Variants in STEAP3 observed in about 807,000 individuals in gnomAD.
The protein encoded by STEAP3 is STEAP3 metalloreductase.
Under a neutral mutation model 34.9 loss-of-function variants are expected in STEAP3, and 35 were observed. The ratio of observed to expected loss-of-function variants is 1.00; its 90% CI spans 0.76 to 1.33. The LOEUF is 1.33. Ranked by LOEUF, STEAP3 falls within the 40% of genes most tolerant of loss-of-function variation. The pLI, the probability that STEAP3 is intolerant of heterozygous loss-of-function variation, is 0.00. For synonymous variants in STEAP3, 281 were observed against 301.6 expected, an observed-to-expected ratio of 0.93 and a Z score of 0.71; for missense variants, 652 against 667.6, an observed-to-expected ratio of 0.98 and a Z score of 0.26.
chr2:119,263,410 T>G lies in STEAP3; in HGVS notation c.*72T>G, dbSNP rs1256644298. 5.8e-6 allele frequency: 9 copies of G among 1,551,482 alleles called. No homozygotes were observed. Among genetic ancestry groups the G allele is most frequent in the Non-Finnish European group, 7.8e-6 (9 of 1,150,352 alleles). The stretch of plus-strand genomic sequence containing the variant: ...CCTGAGCCCGTTAGGTTTTCTTTTC[T>G]TGGTGGTGCAAAGTGGTATAACTGT... On this transcript the variant is annotated 3_prime_UTR_variant, in exon 6 of 6. Coordinates refer to ENST00000393110, the MANE Select transcript of STEAP3 (RefSeq NM_182915.3).
rs1019582673 is a variant in STEAP3 at position 119,245,151 on chromosome 2, G to C, written c.23-338G>C. The C allele has an allele frequency of 1.0e-5, 3 of 296,254 alleles. No individual in the cohort carries two copies. The East Asian group carries it at 1.8e-4, about 18-fold the overall frequency. The allele number at this position is 296,254 out of a possible 1,614,324, so 18.4% of individuals were successfully genotyped here. ...GTCCATTGCCTAATCCTTTTGAAAAGAAGTATGGCACTGCATCACATTGGT... is the reference window on the plus strand; with the variant it reads ...GTCCATTGCCTAATCCTTTTGAAAACAAGTATGGCACTGCATCACATTGGT... On this transcript the variant is annotated intron_variant, in intron 2 of 5. Coordinates refer to ENST00000393110, the MANE Select transcript of STEAP3 (RefSeq NM_182915.3).
intron 5 of STEAP3, 70 bp from the exon 6 acceptor site, chr2:119,262,987 T>G: frequency 6.4e-7 from 1 of 1,569,574 alleles, no homozygotes. Flanking sequence ...GGCCAGCAGA[T>G]GAGTCGTTGG....
At chr2:119,238,305 T>A (rs892414040) in intron 2 of STEAP3, among the ~76,000 whole-genome samples, 1 of 152,254 alleles carries the variant, frequency 6.6e-6, no homozygotes, top group Non-Finnish European at 1.5e-5. Flanking sequence ...ATCCTCCCTG[T>A]CTTTTAAAAA....
At chr2:119,231,171 C>T (rs560287071) in intron 2 of STEAP3, 137 bp downstream of exon 2, 47 of 1,130,816 alleles carry the variant, frequency 4.2e-5, no homozygotes, top group Admixed American at 2.0e-5. Flanking sequence ...AACTCGACAC[C>T]TCCCAGAGAT....
intron 4 of STEAP3, among the ~76,000 whole-genome samples, chr2:119,252,393 C>T (rs1573571413): frequency 6.6e-6 from 1 of 152,234 alleles, no homozygotes; most frequent in East Asian, 1.9e-4. Flanking sequence ...ACCCCCTCCT[C>T]CTCTGAGTCT....
intron 5 of STEAP3, among the ~76,000 whole-genome samples, chr2:119,258,226 A>T (rs754162761): frequency 1.2e-4 from 18 of 152,112 alleles, no homozygotes; most frequent in Non-Finnish European, 2.2e-4. Flanking sequence ...CATTATAATT[A>T]GTGTATAATG....
Position 119,245,598 on chromosome 2 carries a change from G to A in STEAP3, c.132G>A (p.Leu44=). 3 of 1,608,756 alleles carry A rather than the reference G, an allele frequency of 1.9e-6. No individual in the cohort carries two copies. The highest frequency in any genetic ancestry group is 2.6e-6 in the Non-Finnish European group (3 of 1,175,586). Residue 44 remains leucine, a synonymous_variant, in exon 3 of 6, where the codon CTG becomes CTA. Transcript: ENST00000393110. ...VPDEAPKVGI[L]GSGDFARSLA... is the part of the protein sequence containing the mutation. ...ATGAGGCCCCCAAAGTGGGCATCCTGGGTAGCGGGGACTTTGCCCGCTCCC... is the reference window on the plus strand; with the variant it reads ...ATGAGGCCCCCAAAGTGGGCATCCTAGGTAGCGGGGACTTTGCCCGCTCCC...
At chr2:119,240,637 G>A (rs1418309367) in intron 2 of STEAP3, among the ~76,000 whole-genome samples, 2 of 152,238 alleles carry the variant, frequency 1.3e-5, no homozygotes, top group Non-Finnish European at 2.9e-5. Flanking sequence ...CTGTAGCCCT[G>A]CCGGGAAGAA....
chr2:119,258,043 A>G (rs565241648), intron 5 of STEAP3, among the ~76,000 whole-genome samples: 1 of 152,292 alleles, frequency 6.6e-6, no homozygotes, highest in South Asian at 2.1e-4. Context: ...TTACTTCTTG[A>G]TTATATGCTG....
At chr2:119,257,827 C>A (rs901492267) in intron 5 of STEAP3, 2 of 974,528 alleles carry the variant, frequency 2.1e-6, no homozygotes, top group African/African-American at 1.7e-5. Flanking sequence ...CCTTGGCTGA[C>A]CCCTAGATCT....
At chr2:119,260,500 C>G (rs1309703495) in intron 5 of STEAP3, among the ~76,000 whole-genome samples, 1 of 151,978 alleles carries the variant, frequency 6.6e-6, no homozygotes, top group Admixed American at 6.6e-5. Flanking sequence ...TTATCCATGT[C>G]GGTCAGGCTG....
intron 5 of STEAP3, among the ~76,000 whole-genome samples, chr2:119,259,296 G>A (rs1677874203): frequency 6.6e-6 from 1 of 152,144 alleles, no homozygotes; most frequent in African/African-American, 2.4e-5. Context: ...CTCTAGCTTG[G>A]GGATCTTATT....
At chr2:119,248,283 G>A in intron 4 of STEAP3, 77 bp downstream of exon 4, 2 of 1,481,308 alleles carry the variant, frequency 1.4e-6, no homozygotes, top group Non-Finnish European at 1.8e-6. Context: ...CACCAACCAG[G>A]TGCAGCCGAT....
At chr2:119,258,273 G>A (rs1362676608) in intron 5 of STEAP3, among the ~76,000 whole-genome samples, 2 of 152,034 alleles carry the variant, frequency 1.3e-5, no homozygotes, top group East Asian at 1.9e-4. Flanking sequence ...GTTGGTTTTG[G>A]TGCTTTTGGC....
intron 5 of STEAP3, among the ~76,000 whole-genome samples, chr2:119,260,255 G>A (rs1215299836): frequency 3.3e-5 from 5 of 152,058 alleles, no homozygotes; most frequent in African/African-American, 4.8e-5. Flanking sequence ...GTTAGTTAGG[G>A]CTGGGCACCT....
rs1033672452 is a variant in STEAP3 at position 119,243,573 on chromosome 2, G to A, written c.23-1916G>A. Among the ~76,000 whole-genome samples, 7 of 152,208 alleles carry A rather than the reference G, an allele frequency of 4.6e-5. No individual in the cohort carries two copies. The South Asian group carries it at 6.2e-4, about 14-fold the overall frequency. On this transcript the variant is annotated intron_variant, in intron 2 of 5. Transcript: ENST00000393110. ...TGTGAGGACCAGAGGCCCATCACCC[G>A]AGGAAAGGCCTGACAGCAGCAATGG... is the stretch of plus-strand genomic sequence containing the variant.
Position 119,247,941 on chromosome 2 carries a change from T to C in STEAP3, c.785T>C (p.Val262Ala). The C allele has an allele frequency of 6.2e-7, 1 of 1,613,700 alleles. No individual in the cohort carries two copies. Among genetic ancestry groups the C allele is most frequent in the South Asian group, 1.1e-5 (1 of 91,082 alleles). The change falls in exon 4 of 6, where the codon GTG (valine) becomes GCG (alanine). Residue 262 changes from valine (V) to alanine (A), a missense_variant. Physicochemically the swap from Val to Ala is moderately conservative, Grantham distance 64. Coordinates refer to ENST00000393110, the MANE Select transcript of STEAP3 (RefSeq NM_182915.3). ...CAGAACAAGTTCTTCAAGCTGCCCG[T>C]GTCCGTGGTCAACACCACACTGCCG... ...ESQNKFFKLPVSVVNTTLPCV... is the reference protein window; with the variant it reads ...ESQNKFFKLPASVVNTTLPCV...
In STEAP3 at chr2:119,262,355, C is replaced by A. The variant is rs1677966593; in HGVS notation, c.1216-702C>A. Among the ~76,000 whole-genome samples the A allele has an allele frequency of 2.0e-5, 3 of 150,678 alleles. No homozygotes were observed. In the South Asian group the frequency reaches 6.4e-4, roughly 32 times the overall value. On this transcript the variant is annotated intron_variant, in intron 5 of 5. Transcript: ENST00000393110. The stretch of plus-strand genomic sequence containing the variant: ...ATTTATACACACACACACACACACA[C>A]ATATACATGTATATGTATATATATA...
intron 2 of STEAP3, among the ~76,000 whole-genome samples, chr2:119,241,897 T>C (rs759773672): frequency 4.6e-5 from 7 of 152,202 alleles, no homozygotes; most frequent in Non-Finnish European, 1.0e-4. Context: ...AGGTAAATCA[T>C]TCGAGGTTTT....
Sources: gnomAD v4.1 joint callset for allele counts (sites outside exome capture counted in the v4.1 genomes callset) on GRCh38, gnomAD v4.1.1 for gene constraint, MANE v1.5 for transcripts, NCBI Gene and HGNC (gene_info 2026-07-23, HGNC 2026-07-21) for gene names.